The following KCNAB1 variants were observed in gnomAD, a reference collection of about 807,000 sequenced individuals.
The protein encoded by KCNAB1 is voltage-gated potassium channel subunit beta-1.
A neutral mutation model predicts 64.6 loss-of-function variants in KCNAB1; 35 were observed. The observed-to-expected ratio is 0.54, with a 90% CI of 0.41 to 0.72. KCNAB1 has a LOEUF of 0.72. Ranked by LOEUF, KCNAB1 falls within the 30% of genes least tolerant of loss-of-function variation. KCNAB1 has a pLI of 0.00. For missense variants in KCNAB1, 401 were observed against 512.9 expected (o/e 0.78, Z 2.11); for synonymous variants, 177 against 183.8 (o/e 0.96, Z 0.30).
chr3:156,475,835 A>C (rs1714299625), intron 8 of KCNAB1, among the ~76,000 whole-genome samples: 1 of 152,188 alleles, frequency 6.6e-6, no homozygotes, highest in Non-Finnish European at 1.5e-5. Flanking sequence ...TGTATTTCTG[A>C]CCATAAAAAA....
At chr3:156,201,810 G>A (rs1305021899) in intron 1 of KCNAB1, among the ~76,000 whole-genome samples, 2 of 152,216 alleles carry the variant, frequency 1.3e-5, no homozygotes, top group African/African-American at 4.8e-5. Context: ...GTGGGAGGCT[G>A]CGGTGTGGGG....
chr3:156,119,671 T>G (rs1014719801), upstream of KCNAB1, among the ~76,000 whole-genome samples: 1 of 152,154 alleles, frequency 6.6e-6, no homozygotes, highest in Non-Finnish European at 1.5e-5. Flanking sequence ...ACTAAACAAC[T>G]CTGTGATAGA....
At chr3:156,488,540 G>GGAAGGTA (rs1436173087) in intron 8 of KCNAB1, among the ~76,000 whole-genome samples, 1 of 152,124 alleles carries the variant, frequency 6.6e-6, no homozygotes, top group African/African-American at 2.4e-5. Flanking sequence ...TAAGGAAGGG[G>GGAAGGTA]GAAGGTAGAA....
intron 8 of KCNAB1, among the ~76,000 whole-genome samples, chr3:156,494,711 A>G (rs1160412325): frequency 1.3e-5 from 2 of 152,156 alleles, no homozygotes; most frequent in Non-Finnish European, 2.9e-5. Context: ...CATCTGTATG[A>G]AGTAAGTGAC....
At chr3:156,505,154 A>T (rs1716750718) in intron 8 of KCNAB1, among the ~76,000 whole-genome samples, 1 of 152,162 alleles carries the variant, frequency 6.6e-6, no homozygotes, top group South Asian at 2.1e-4. Context: ...AGAACTATTT[A>T]TTGAAGAGAA....
At chr3:156,227,026 G>A (rs1716220576) in intron 1 of KCNAB1, among the ~76,000 whole-genome samples, 1 of 152,186 alleles carries the variant, frequency 6.6e-6, no homozygotes, top group Non-Finnish European at 1.5e-5. Context: ...AGCATATGAA[G>A]AATGAATTCC....
intron 12 of KCNAB1, among the ~76,000 whole-genome samples, chr3:156,527,813 C>T (rs997424590): frequency 6.6e-6 from 1 of 152,156 alleles, no homozygotes; most frequent in Non-Finnish European, 1.5e-5. Context: ...GAGAGGGATC[C>T]TCCGGCAGAA....
chr3:156,438,166 C>CT (rs1456618369), intron 2 of KCNAB1, among the ~76,000 whole-genome samples: 1 of 152,200 alleles, frequency 6.6e-6, no homozygotes, highest in African/African-American at 2.4e-5. Context: ...TCCTGTGCAG[C>CT]TGAAAGGTGG....
intron 1 of KCNAB1, among the ~76,000 whole-genome samples, chr3:156,402,880 G>A (rs932856486): frequency 2.6e-5 from 4 of 152,134 alleles, no homozygotes; most frequent in African/African-American, 7.2e-5. Flanking sequence ...TTCAGGAAAT[G>A]TTTTAATATT....
At chr3:156,510,615 A>G (rs1471648472) in intron 8 of KCNAB1, among the ~76,000 whole-genome samples, 1 of 151,830 alleles carries the variant, frequency 6.6e-6, no homozygotes, top group Non-Finnish European at 1.5e-5. Flanking sequence ...TCCTTCTTCC[A>G]CTCATTCTTC....
chr3:156,467,758 A>G (rs1713526199), intron 7 of KCNAB1, among the ~76,000 whole-genome samples: 1 of 152,156 alleles, frequency 6.6e-6, no homozygotes. Flanking sequence ...ACAAGTGACC[A>G]TCCTTAGGTA....
chr3:156,471,773 T>C (rs1235629633), intron 7 of KCNAB1, among the ~76,000 whole-genome samples: 2 of 152,230 alleles, frequency 1.3e-5, no homozygotes, highest in Non-Finnish European at 1.5e-5. Flanking sequence ...GAGATACTCA[T>C]GAAACATATC....
intron 1 of KCNAB1, among the ~76,000 whole-genome samples, chr3:156,340,826 GCTAT>G (rs779278274): frequency 1.2e-3 from 182 of 152,230 alleles, no homozygotes; most frequent in Non-Finnish European, 2.2e-3. Context: ...GTCTTTATTG[GCTAT>G]CTTTGTTGCC....
intron 1 of KCNAB1, among the ~76,000 whole-genome samples, chr3:156,294,360 C>T (rs1025501327): frequency 2.0e-5 from 3 of 152,144 alleles, no homozygotes; most frequent in African/African-American, 7.2e-5. Context: ...CTGTAACAGT[C>T]AGGAGATTTG....
chr3:156,282,932 G>T (rs1459624638), intron 1 of KCNAB1, among the ~76,000 whole-genome samples: 2 of 151,746 alleles, frequency 1.3e-5, no homozygotes, highest in Non-Finnish European at 2.9e-5. Context: ...TTGCCAGTCT[G>T]TGTCTTTTAA....
rs1269854859 is a variant in KCNAB1, at chr3:156,373,513, G to A, written c.276-48103G>A. On this transcript the variant is annotated intron_variant, in intron 1 of 13. Coordinates refer to ENST00000490337, the MANE Select transcript of KCNAB1 (RefSeq NM_172160.3). Reference sequence around the variant, plus strand: ...AGAAATGCGAAATGAAGTTACAGAAGCTGAAGTGCATTTTAAATGTTTATT... The same window carrying A: ...AGAAATGCGAAATGAAGTTACAGAAACTGAAGTGCATTTTAAATGTTTATT... 2.0e-5 allele frequency among the ~76,000 whole-genome samples: 3 copies of A among 152,320 alleles called. No individual in the cohort carries two copies. In the East Asian group the frequency reaches 5.8e-4, roughly 29 times the overall value.
At chr3:156,504,751 G>GTTTTTTTTTTTT (rs71302274) in intron 8 of KCNAB1, among the ~76,000 whole-genome samples, 2 of 132,750 alleles carry the variant, frequency 1.5e-5, no homozygotes, top group African/African-American at 2.8e-5. Context: ...TGTTTTTTTT[G>GTTTTTTTTTTTT]TTTTTTTTTT....
chr3:156,388,329 T>C (rs1712768174), intron 1 of KCNAB1, among the ~76,000 whole-genome samples: 1 of 152,202 alleles, frequency 6.6e-6, no homozygotes, highest in Non-Finnish European at 1.5e-5. Context: ...TCCTGGAAGG[T>C]TGATGAAGGC....
At chr3:156,490,568 T>C (rs1715558606) in intron 8 of KCNAB1, among the ~76,000 whole-genome samples, 1 of 152,018 alleles carries the variant, frequency 6.6e-6, no homozygotes, top group Non-Finnish European at 1.5e-5. Flanking sequence ...TAGAAAAAGA[T>C]TTTACATATT....
Sources: allele counts gnomAD v4.1 joint callset (sites outside exome capture counted in the v4.1 genomes callset), GRCh38; gene constraint gnomAD v4.1.1; transcripts MANE v1.5; gene names NCBI Gene and HGNC (gene_info 2026-07-23, HGNC 2026-07-21).